The following OR4K1 variants were observed in gnomAD, a reference collection of about 807,000 sequenced individuals.
The protein encoded by OR4K1 is olfactory receptor 4K1.
Under a neutral mutation model 14.4 loss-of-function variants are expected in OR4K1, and 16 were observed. The observed-to-expected ratio is 1.11, with a 90% CI of 0.75 to 1.68. OR4K1 has a LOEUF of 1.68. OR4K1 is among the 40% of genes most tolerant of loss of function. The pLI, the probability that OR4K1 is intolerant of heterozygous loss-of-function variation, is 0.00. For missense variants in OR4K1, 548 were observed against 376.9 expected (o/e 1.45, Z -3.76); for synonymous variants, 181 against 133.1 (o/e 1.36, Z -2.48).
At chr14:19,922,709 A>T in the OR4K1 span, among the ~76,000 whole-genome samples, 3 of 151,226 alleles carry the variant, frequency 2.0e-5, no homozygotes, top group Non-Finnish European at 4.4e-5. Context: ...GCATAAATAG[A>T]TTCATGTAGT....
intron 1 of OR4K1, among the ~76,000 whole-genome samples, chr14:19,931,874 T>C (rs946415754): frequency 1.3e-5 from 2 of 152,276 alleles, no homozygotes; most frequent in Admixed American, 6.5e-5. Context: ...ATAAACTCCA[T>C]GTGTTTCCAT....
At chr14:19,929,359 CTGTGTGTGT>C (rs1382590844), upstream of OR4K1, among the ~76,000 whole-genome samples, 24 of 144,378 alleles carry the variant, frequency 1.7e-4, no homozygotes, top group East Asian at 4.9e-3. Context: ...ATATCACACT[CTGTGTGTGT>C]GTGTGTGTGT....
At chr14:19,923,223 A>G in the OR4K1 span, among the ~76,000 whole-genome samples, 5 of 152,172 alleles carry the variant, frequency 3.3e-5, no homozygotes, top group East Asian at 7.7e-4. Flanking sequence ...GCTTCAGTGT[A>G]TGTATGGATT....
rs745515564 is a variant in OR4K1, at chr14:19,935,822, C to G, written c.156C>G (p.Asp52Glu). Residue 52 changes from aspartate (D) to glutamate (E), a missense_variant, in exon 2 of 2, where the codon GAC (aspartate) becomes GAG (glutamate). Coordinates refer to ENST00000641172, the MANE Select transcript of OR4K1 (RefSeq NM_001004063.3). ...TAATTATTGTCATTATTTCTTTTGA[C>G]TCCCATTTGAACTCTCCTATGTACT... Reference protein sequence around the residue: ...NVLIIVIISFDSHLNSPMYFL... With the variant: ...NVLIIVIISFESHLNSPMYFL... 1 of 1,614,088 alleles carries G rather than the reference C, an allele frequency of 6.2e-7. No homozygotes were observed. The highest frequency in any genetic ancestry group is 8.5e-7 in the Non-Finnish European group (1 of 1,180,030).
chr14:19,936,460 T>C lies in OR4K1; in HGVS notation c.794T>C (p.Leu265Pro). 1.9e-6 allele frequency: 3 copies of C among 1,614,098 alleles called. No homozygotes were observed. The highest frequency in any genetic ancestry group is 1.1e-5 in the South Asian group (1 of 91,090). ...IYFYIWPFSR[L>P]PVDKFLSVFY... ...TTCTATATATGGCCTTTTAGCAGAC[T>C]TCCTGTGGACAAATTTCTTTCTGTG... The change falls in exon 2 of 2, where the codon CTT (leucine) becomes CCT (proline). Residue 265 changes from leucine (L) to proline (P), a missense_variant. Physicochemically the swap from Leu to Pro is moderately conservative, Grantham distance 98. Transcript: ENST00000641172.
In OR4K1 at chr14:19,935,809, T is replaced by C; in HGVS notation, c.143T>C (p.Ile48Thr). The C allele has an allele frequency of 6.2e-7, 1 of 1,614,218 alleles. No homozygotes were observed. The highest frequency in any genetic ancestry group is 8.5e-7 in the Non-Finnish European group (1 of 1,180,018). Residue 48 changes from isoleucine (I) to threonine (T), a missense_variant, in exon 2 of 2, where the codon ATT (isoleucine) becomes ACT (threonine). By Grantham distance (89) the Ile-to-Thr change is moderately conservative (BLOSUM62 -1). Coordinates refer to ENST00000641172, the MANE Select transcript of OR4K1 (RefSeq NM_001004063.3). Reference sequence around the variant, plus strand: ...CTAGGCAATGTCTTAATTATTGTCATTATTTCTTTTGACTCCCATTTGAAC... The same window carrying C: ...CTAGGCAATGTCTTAATTATTGTCACTATTTCTTTTGACTCCCATTTGAAC... The part of the protein sequence containing the change: ...SVLGNVLIIV[I>T]ISFDSHLNSP...
chr14:19,934,239 G>A (rs1882252858), intron 1 of OR4K1, among the ~76,000 whole-genome samples: 1 of 152,242 alleles, frequency 6.6e-6, no homozygotes, highest in Admixed American at 6.5e-5. Context: ...GGAAGGGTGT[G>A]TAGGGTTTTC....
rs1882328531 is a variant in OR4K1, at chr14:19,936,489, T to C, written c.823T>C (p.Tyr275His). The change falls in exon 2 of 2, where the codon TAC (tyrosine) becomes CAC (histidine). Residue 275 changes from tyrosine (Y) to histidine (H), a missense_variant. By Grantham distance (83) the Tyr-to-His change is moderately conservative. Coordinates refer to ENST00000641172, the MANE Select transcript of OR4K1 (RefSeq NM_001004063.3). Reference sequence around the variant, plus strand: ...TGTGGACAAATTTCTTTCTGTGTTCTACACTGTTTGTACTCCCTTGTTGAA... The same window carrying C: ...TGTGGACAAATTTCTTTCTGTGTTCCACACTGTTTGTACTCCCTTGTTGAA... ...LPVDKFLSVF[Y>H]TVCTPLLNPI... 2 of 1,613,872 alleles carry C rather than the reference T, an allele frequency of 1.2e-6. No individual in the cohort carries two copies. The highest frequency in any genetic ancestry group is 1.3e-5 in the African/African-American group (1 of 74,946).
At chr14:19,933,267 A>C (rs141672072) in intron 1 of OR4K1, among the ~76,000 whole-genome samples, 1,834 of 152,074 alleles carry the variant, frequency 0.012, 33 homozygotes, top group African/African-American at 0.042. Flanking sequence ...AAAATAAATA[A>C]TTTTTTATTC....
chr14:19,929,359 CTGTGTGTGTGTGTGTGTGTG>C (rs59130422), upstream of OR4K1, among the ~76,000 whole-genome samples: 201 of 144,376 alleles, frequency 1.4e-3, no homozygotes, highest in African/African-American at 3.7e-3. Context: ...ATATCACACT[CTGTGTGTGTGTGTGTGTGTG>C]TGTGTGTGTG....
At chr14:19,921,994 C>T in the OR4K1 span, among the ~76,000 whole-genome samples, 1 of 152,132 alleles carries the variant, frequency 6.6e-6, no homozygotes, top group Non-Finnish European at 1.5e-5. Flanking sequence ...TGAATTTTGC[C>T]AACTTCAGGG....
chr14:19,936,368 T>C lies in OR4K1; in HGVS notation c.702T>C (p.Ser234=). Residue 234 remains serine (S), a synonymous_variant, in exon 2 of 2, where the codon TCT becomes TCC. Coordinates refer to ENST00000641172, the MANE Select transcript of OR4K1 (RefSeq NM_001004063.3). ...GATGCAGGTCCTCCAGTGGGTCATC[T>C]AAGGCTCTTTCTACATTAACTGCCC... The part of the protein sequence containing the change: ...GVRCRSSSGS[S]KALSTLTAHI... 1.2e-6 allele frequency: 2 copies of C among 1,614,256 alleles called. No homozygotes were observed. The highest frequency in any genetic ancestry group is 1.7e-6 in the Non-Finnish European group (2 of 1,180,038).
the OR4K1 span, among the ~76,000 whole-genome samples, chr14:19,922,733 A>G: frequency 5.3e-5 from 8 of 152,192 alleles, no homozygotes; most frequent in Admixed American, 1.3e-4. Context: ...AACAGCCACA[A>G]TAAGGACATA....
upstream of OR4K1, among the ~76,000 whole-genome samples, chr14:19,930,666 TACTC>T (rs1385034830): frequency 3.3e-5 from 5 of 152,354 alleles, no homozygotes; most frequent in East Asian, 3.9e-4. Context: ...TGCTGACTGA[TACTC>T]AGTTAAAATC....
chr14:19,935,883 CA>C lies in OR4K1; in HGVS notation c.218del (p.Gln73ArgfsTer11). On this transcript the variant is annotated frameshift_variant, in exon 2 of 2. Coordinates refer to ENST00000641172, the MANE Select transcript of OR4K1 (RefSeq NM_001004063.3). LOFTEE classifies it high-confidence loss of function. ...TAATCTTTCTTTCATTGATATCTGT[CA>C]GTCTAACTTTGCCACCCCCAAGATG... ...LSNLSFIDIC[Q>X]SNFATPKMLV... 1 of 1,614,224 alleles carries C rather than the reference CA, an allele frequency of 6.2e-7. No homozygotes were observed. Among genetic ancestry groups the C allele is most frequent in the Non-Finnish European group, 8.5e-7 (1 of 1,180,036 alleles).
Position 19,935,959 on chromosome 14 carries a change from T to A in OR4K1, c.293T>A (p.Met98Lys). Residue 98 changes from methionine to lysine, a missense_variant, in exon 2 of 2, where the codon ATG becomes AAG. By Grantham distance (95) the Met-to-Lys change is moderately conservative (BLOSUM62 -1). Coordinates refer to ENST00000641172, the MANE Select transcript of OR4K1 (RefSeq NM_001004063.3). The stretch of plus-strand genomic sequence containing the variant: ...AAGACTATCTCCTTTGAGGGTTGCA[T>A]GGCCCAGATATTCGTTCTTCACAGT... The part of the protein sequence containing the change: ...ERKTISFEGC[M>K]AQIFVLHSFV... 1 of 1,614,242 alleles carries A rather than the reference T, an allele frequency of 6.2e-7. No individual in the cohort carries two copies. Among genetic ancestry groups the A allele is most frequent in the Non-Finnish European group, 8.5e-7 (1 of 1,180,036 alleles).
chr14:19,925,471 A>G, the OR4K1 span, among the ~76,000 whole-genome samples: 7 of 152,382 alleles, frequency 4.6e-5, no homozygotes, highest in Non-Finnish European at 1.0e-4. Context: ...TGGCTAAGCC[A>G]AACTCTACCT....
Position 19,936,528 on chromosome 14 carries a change from T to C in OR4K1, c.862T>C (p.Ser288Pro), listed in dbSNP as rs1310437379. Residue 288 changes from serine to proline, a missense_variant, in exon 2 of 2, where the codon TCT becomes CCT. Transcript: ENST00000641172. ...CTPLLNPIIY[S>P]LRNEDVKAAM... ...TCCCTTGTTGAACCCCATCATCTAC[T>C]CTCTGAGGAATGAAGATGTTAAAGC... The C allele has an allele frequency of 6.2e-7, 1 of 1,613,032 alleles. No homozygotes were observed. The highest frequency in any genetic ancestry group is 8.5e-7 in the Non-Finnish European group (1 of 1,179,760).
At chr14:19,925,061 C>T in the OR4K1 span, among the ~76,000 whole-genome samples, 1 of 151,594 alleles carries the variant, frequency 6.6e-6, no homozygotes. Context: ...ATTAAAAATT[C>T]TTTTTTTTTC....
Sources: allele counts gnomAD v4.1 joint callset (sites outside exome capture counted in the v4.1 genomes callset), GRCh38; gene constraint gnomAD v4.1.1; transcripts MANE v1.5; gene names NCBI Gene and HGNC (gene_info 2026-07-23, HGNC 2026-07-21).